Variants in TPTE2 observed in about 807,000 individuals in gnomAD.
TPTE2 encodes phosphatidylinositol 3,4,5-trisphosphate 3-phosphatase TPTE2.
Under a neutral mutation model 78.6 loss-of-function variants are expected in TPTE2, and 53 were observed. The ratio of observed to expected loss-of-function variants is 0.67; its 90% CI spans 0.54 to 0.85. The LOEUF (loss-of-function observed/expected upper bound fraction) is 0.85. TPTE2 is among the 40% of genes least tolerant of loss of function. TPTE2 has a pLI of 0.00. For missense variants in TPTE2, 461 were observed against 623.0 expected, an observed-to-expected ratio of 0.74 and a Z score of 2.77; for synonymous variants, 175 against 206.2, an observed-to-expected ratio of 0.85 and a Z score of 1.30.
At chr13:19,465,154 A>T in intron 9 of TPTE2, 101 bp downstream of exon 12, 12 of 1,437,336 alleles carry the variant, frequency 8.3e-6, no homozygotes, top group Non-Finnish European at 1.2e-5. Context: ...TCTCAAGAAT[A>T]AAGAATATTT....
At chr13:19,555,663 G>T in the TPTE2 span, among the ~76,000 whole-genome samples, 11 of 152,036 alleles carry the variant, frequency 7.2e-5, no homozygotes, top group Non-Finnish European at 1.6e-4. Flanking sequence ...AAACTTCAAT[G>T]CTTCCTTGCC....
upstream of TPTE2, among the ~76,000 whole-genome samples, chr13:19,507,319 A>AC (rs1444098592): frequency 6.6e-6 from 1 of 151,512 alleles, no homozygotes; most frequent in Non-Finnish European, 1.5e-5. Flanking sequence ...AAAAAAAAAA[A>AC]AAAAAACACA....
intron 1 of TPTE2, among the ~76,000 whole-genome samples, chr13:19,515,334 T>C (rs1848180006): frequency 6.6e-6 from 1 of 152,240 alleles, no homozygotes; most frequent in Admixed American, 6.5e-5. Flanking sequence ...AATGGAAATG[T>C]GTGAGAAACA....
chr13:19,465,441 C>G (rs1402525120), intron 8 of TPTE2, 24 bp downstream of exon 11: 2 of 1,608,904 alleles, frequency 1.2e-6, no homozygotes, highest in East Asian at 4.5e-5. Flanking sequence ...TTTTCTGAAT[C>G]ATAAGCATGT....
At chr13:19,561,525 G>C in the TPTE2 span, among the ~76,000 whole-genome samples, 1 of 152,308 alleles carries the variant, frequency 6.6e-6, no homozygotes. Flanking sequence ...TAAGTGGGGA[G>C]AGCCAAGGAA....
chr13:19,529,003 C>T (rs1593422325), intron 1 of TPTE2, among the ~76,000 whole-genome samples: 1 of 152,140 alleles, frequency 6.6e-6, no homozygotes, highest in East Asian at 1.9e-4. Flanking sequence ...CCTATAGTTC[C>T]AGCTACTCGG....
intron 1 of TPTE2, among the ~76,000 whole-genome samples, chr13:19,528,424 T>C (rs1050374847): frequency 7.9e-5 from 12 of 152,094 alleles, no homozygotes; most frequent in Non-Finnish European, 5.9e-5. Flanking sequence ...CTTATTTACT[T>C]CCAAAATTTG....
chr13:19,558,474 T>C, the TPTE2 span, among the ~76,000 whole-genome samples: 1 of 152,230 alleles, frequency 6.6e-6, no homozygotes, highest in Non-Finnish European at 1.5e-5. Flanking sequence ...TTAAGAATTG[T>C]TGCACCTCGA....
At chr13:19,484,077 T>C (rs1378075069) in intron 3 of TPTE2, among the ~76,000 whole-genome samples, 2 of 152,188 alleles carry the variant, frequency 1.3e-5, no homozygotes. Flanking sequence ...TGAGTTCATG[T>C]CCTTTGTAGG....
chr13:19,554,572 G>A, the TPTE2 span, among the ~76,000 whole-genome samples: 2 of 151,722 alleles, frequency 1.3e-5, no homozygotes, highest in South Asian at 4.2e-4. Flanking sequence ...TGACAAATAA[G>A]CTTGTAGTTA....
intron 6 of TPTE2, among the ~76,000 whole-genome samples, chr13:19,468,885 A>G (rs1352204028): frequency 6.6e-6 from 1 of 152,180 alleles, no homozygotes; most frequent in Non-Finnish European, 1.5e-5. Context: ...TTTTTCCTAG[A>G]GAGTTGTTTG....
chr13:19,463,634 T>G (rs1013089135), intron 10 of TPTE2, among the ~76,000 whole-genome samples: 1 of 152,184 alleles, frequency 6.6e-6, no homozygotes, highest in Non-Finnish European at 1.5e-5. Flanking sequence ...AGAGCTTTCA[T>G]AGAGAAATAC....
chr13:19,546,483 C>CTTTTTTTTTTTTTTTT, the TPTE2 span, among the ~76,000 whole-genome samples: 2 of 85,022 alleles, frequency 2.4e-5, no homozygotes, highest in Non-Finnish European at 4.1e-5. Flanking sequence ...TTTTCTTTTT[C>CTTTTTTTTTTTTTTTT]TTTTTTTTTT....
chr13:19,560,795 C>T, the TPTE2 span: 14 of 1,482,872 alleles, frequency 9.4e-6, no homozygotes, highest in South Asian at 1.7e-4. Context: ...TCTGGCACCG[C>T]TTGTACTCCC....
Position 19,436,215 on chromosome 13 carries a change from A to C in TPTE2, c.1116+11T>G. On this transcript the variant is annotated intron_variant, in intron 15 of 19. Coordinates refer to ENST00000400230, the Ensembl canonical transcript of TPTE2. ...CCTAAAAAAACTCCCATTTTTAAAA[A>C]GAAAACTTACCTGAGAAGGAGTTTC... The C allele has an allele frequency of 6.2e-7, 1 of 1,603,822 alleles. No homozygotes were observed. The highest frequency in any genetic ancestry group is 8.5e-7 in the Non-Finnish European group (1 of 1,177,064).
intron 17 of TPTE2, 40 bp from the exon 21 acceptor site, chr13:19,426,557 A>G (rs1566034055): frequency 1.6e-6 from 2 of 1,263,736 alleles, no homozygotes; most frequent in East Asian, 4.7e-5. Flanking sequence ...ACAAACCTAG[A>G]TAACGATAAC....
chr13:19,519,999 T>C (rs959096172), intron 1 of TPTE2, among the ~76,000 whole-genome samples: 5 of 152,134 alleles, frequency 3.3e-5, no homozygotes, highest in Admixed American at 6.6e-5. Flanking sequence ...TATTTTTTAA[T>C]GCTATTGTAA....
intron 10 of TPTE2, chr13:19,458,488 A>G: frequency 2.6e-6 from 1 of 387,504 alleles, no homozygotes; most frequent in Non-Finnish European, 5.2e-6. Flanking sequence ...TTTTTGTTCC[A>G]GGAATGTACT....
chr13:19,491,342 AT>A, intron 3 of TPTE2, among the ~76,000 whole-genome samples: 1 of 152,286 alleles, frequency 6.6e-6, no homozygotes, highest in South Asian at 2.1e-4. Flanking sequence ...TAGCAAATAC[AT>A]TTTTTGCACC....
Sources: gnomAD v4.1 joint callset for allele counts (sites outside exome capture counted in the v4.1 genomes callset) on GRCh38, gnomAD v4.1.1 for gene constraint, MANE v1.5 for transcripts, NCBI Gene and HGNC (gene_info 2026-07-23, HGNC 2026-07-21) for gene names.